The following CEP170 variants were observed in gnomAD, a reference collection of about 807,000 sequenced individuals.
CEP170 encodes the protein centrosomal protein 170.
Under a neutral mutation model 151.9 loss-of-function variants are expected in CEP170, and 21 were observed. That is an observed-to-expected ratio of 0.14 (90% CI 0.10 to 0.20). The LOEUF (loss-of-function observed/expected upper bound fraction) is 0.20. Ranked by LOEUF, CEP170 falls within the 10% of genes least tolerant of loss-of-function variation. The probability of loss-of-function intolerance (pLI) is 1.00; values close to 1 mark genes in which losing one functional copy is unlikely to be tolerated. For missense variants in CEP170, 964 were observed against 1,892.9 expected (o/e 0.51, Z 9.11); for synonymous variants, 356 against 648.8 (o/e 0.55, Z 6.86).
At chr1:243,148,362 G>A (rs1486541038) in intron 14 of CEP170, among the ~76,000 whole-genome samples, 4 of 151,938 alleles carry the variant, frequency 2.6e-5, no homozygotes, top group Non-Finnish European at 5.9e-5. Flanking sequence ...CCTGAGCTCA[G>A]GAGTTTGAGA....
chr1:243,191,107 T>C lies in CEP170; in HGVS notation c.1019A>G (p.Asn340Ser). The C allele has an allele frequency of 6.2e-7, 1 of 1,613,366 alleles. No homozygotes were observed. Among genetic ancestry groups the C allele is most frequent in the African/African-American group, 1.3e-5 (1 of 75,012 alleles). Residue 340 changes from asparagine to serine, a missense_variant, in exon 8 of 20, where the codon AAC (asparagine) becomes AGC (serine). Coordinates refer to ENST00000366542, the MANE Select transcript of CEP170 (RefSeq NM_014812.3). ...TTCCCATAGCATTTGAGGAGGGTTG[T>C]TTTGTGCTAGCCAGTCAGCAACTTT... ...ENKVADWLAQ[N>S]NPPQMLWERT...
chr1:243,202,033 CAT>C (rs2061074087), intron 4 of CEP170, among the ~76,000 whole-genome samples: 1 of 152,024 alleles, frequency 6.6e-6, no homozygotes, highest in Non-Finnish European at 1.5e-5. Context: ...AAATTGCAAA[CAT>C]ATGGAATCAA....
intron 1 of CEP170, among the ~76,000 whole-genome samples, chr1:243,233,630 G>A (rs2063966708): frequency 6.6e-6 from 1 of 151,228 alleles, no homozygotes; most frequent in South Asian, 2.1e-4. Context: ...CTAATTAGGA[G>A]GCTGAGGCAG....
rs139195165 is a variant in CEP170, at chr1:243,228,593, C to G, written c.-41-3272G>C. Reference sequence around the variant, plus strand: ...GATTTTAAAACACAACATGAATAAACAGGTCAACAGTTACACGTTTACTCA... The same window carrying G: ...GATTTTAAAACACAACATGAATAAAGAGGTCAACAGTTACACGTTTACTCA... On this transcript the variant is annotated intron_variant, in intron 1 of 19. Transcript: ENST00000366542. Among the ~76,000 whole-genome samples the G allele has an allele frequency of 1.0e-3, 158 of 152,222 alleles. 1 individual carries two copies. Among genetic ancestry groups the G allele is most frequent in the African/African-American group, 3.7e-3 (153 of 41,528 alleles).
intron 16 of CEP170, among the ~76,000 whole-genome samples, chr1:243,139,268 A>G (rs1465054620): frequency 5.3e-5 from 8 of 151,848 alleles, no homozygotes; most frequent in Non-Finnish European, 1.2e-4. Context: ...CGCCCGGCTA[A>G]TTTTCTTATT....
At chr1:243,173,971 G>A (rs979875103) in intron 10 of CEP170, among the ~76,000 whole-genome samples, 2 of 152,072 alleles carry the variant, frequency 1.3e-5, no homozygotes, top group South Asian at 2.1e-4. Flanking sequence ...CCATTTTATT[G>A]TATAATTGCG....
chr1:243,164,225 A>C (rs1193531742), intron 13 of CEP170, 59 bp downstream of exon 13: 1 of 1,323,370 alleles, frequency 7.6e-7, no homozygotes, highest in Non-Finnish European at 9.7e-7. Flanking sequence ...TTTAAAAAAA[A>C]AAAGGAGCCC....
intron 7 of CEP170, among the ~76,000 whole-genome samples, chr1:243,197,860 T>C (rs890374376): frequency 1.2e-4 from 18 of 152,058 alleles, no homozygotes; most frequent in African/African-American, 4.3e-4. Context: ...TGCATGGGCA[T>C]GAAGAAAACT....
In CEP170 at chr1:243,217,905, T is replaced by C. The variant is rs2062447920; in HGVS notation, c.195+3819A>G. 3.3e-5 allele frequency among the ~76,000 whole-genome samples: 5 copies of C among 152,216 alleles called. No homozygotes were observed. In the South Asian group the frequency reaches 1.0e-3, roughly 32 times the overall value. On this transcript the variant is annotated intron_variant, in intron 3 of 19. Transcript: ENST00000366542. ...GGGATTCGAAATCAGGTCTCTGAAC[T>C]ACAAATCCTATGAGCGTTCCACATC... is the stretch of plus-strand genomic sequence containing the variant.
rs962585590 is a variant in CEP170, at chr1:243,131,590, CTTTACTATAATA to C, written c.4320-2149_4320-2138del. Among the ~76,000 whole-genome samples the C allele has an allele frequency of 3.9e-5, 6 of 151,966 alleles. No homozygotes were observed. In the East Asian group the frequency reaches 7.7e-4, roughly 20 times the overall value. On this transcript the variant is annotated intron_variant, in intron 17 of 19. Transcript: ENST00000366542. ...TGTCATTTTGGCATTATGAAATAAA[CTTTACTATAATA>C]TTTACTATAATATTTAATATTTAAA...
Position 243,191,282 on chromosome 1 carries a change from T to G in CEP170, c.844A>C (p.Ile282Leu). The G allele has an allele frequency of 1.2e-6, 2 of 1,612,510 alleles. No individual in the cohort carries two copies. The highest frequency in any genetic ancestry group is 1.7e-6 in the Non-Finnish European group (2 of 1,179,288). ...ITGAGHASFT[I>L]EFDDSTPGKV... Reference sequence around the variant, plus strand: ...CCTGGGGTACTGTCATCAAATTCAATGGTAAATGAAGCATGCCCTGCACCT... The same window carrying G: ...CCTGGGGTACTGTCATCAAATTCAAGGGTAAATGAAGCATGCCCTGCACCT... Residue 282 changes from isoleucine to leucine, a missense_variant, in exon 8 of 20, where the codon ATT (isoleucine) becomes CTT (leucine). Transcript: ENST00000366542.
intron 14 of CEP170, among the ~76,000 whole-genome samples, chr1:243,149,824 CTAAAT>C (rs1320043268): frequency 6.6e-5 from 10 of 152,006 alleles, no homozygotes; most frequent in African/African-American, 2.2e-4. Flanking sequence ...ATTCTGACAA[CTAAAT>C]TAAATTGGTT....
intron 1 of CEP170, among the ~76,000 whole-genome samples, chr1:243,233,994 T>A (rs1215674804): frequency 6.6e-6 from 1 of 152,190 alleles, no homozygotes; most frequent in Non-Finnish European, 1.5e-5. Context: ...ATCATTATTC[T>A]ATAAATGATA....
At chr1:243,247,353 G>A (rs2149176432) in intron 1 of CEP170, among the ~76,000 whole-genome samples, 1 of 152,144 alleles carries the variant, frequency 6.6e-6, no homozygotes, top group Non-Finnish European at 1.5e-5. Flanking sequence ...AAGCCTGGTT[G>A]TTCTTTTCTT....
intron 1 of CEP170, among the ~76,000 whole-genome samples, chr1:243,247,380 G>A (rs1489895665): frequency 6.6e-6 from 1 of 152,118 alleles, no homozygotes; most frequent in Non-Finnish European, 1.5e-5. Flanking sequence ...TTGAGATGGA[G>A]TCTCACCCTG....
chr1:243,226,202 T>TCTAG (rs2063284507), intron 1 of CEP170, among the ~76,000 whole-genome samples: 1 of 4,232 alleles, frequency 2.4e-4, no homozygotes, highest in African/African-American at 4.1e-4. Context: ...TATCTAGATA[T>TCTAG]ATATATATCT....
intron 18 of CEP170, 62 bp downstream of exon 18, chr1:243,129,298 G>A: frequency 5.9e-6 from 8 of 1,350,540 alleles, no homozygotes; most frequent in Non-Finnish European, 7.8e-6. Flanking sequence ...CAAAAATAAG[G>A]GTCTTTTCCT....
intron 3 of CEP170, among the ~76,000 whole-genome samples, chr1:243,220,246 A>C (rs2062671593): frequency 6.6e-6 from 1 of 152,208 alleles, no homozygotes; most frequent in Non-Finnish European, 1.5e-5. Flanking sequence ...AAATCTAACA[A>C]ATTATTTGAA....
At chr1:243,153,100 C>A (rs1422497803) in intron 14 of CEP170, among the ~76,000 whole-genome samples, 3 of 152,150 alleles carry the variant, frequency 2.0e-5, no homozygotes, top group African/African-American at 4.8e-5. Context: ...GAGGAAGTCA[C>A]TGCAGATATG....
Sources: gnomAD v4.1 joint callset for allele counts (sites outside exome capture counted in the v4.1 genomes callset) on GRCh38, gnomAD v4.1.1 for gene constraint, MANE v1.5 for transcripts, NCBI Gene and HGNC (gene_info 2026-07-23, HGNC 2026-07-21) for gene names.